Variants in VPS4B observed in about 807,000 individuals in gnomAD.
VPS4B encodes the protein vacuolar protein sorting-associated protein 4B.
In VPS4B, 23 loss-of-function variants were observed where a neutral mutation model predicts 56.1. That is an observed-to-expected ratio of 0.41 (90% confidence interval 0.30 to 0.58). The LOEUF (loss-of-function observed/expected upper bound fraction) is 0.58. VPS4B is among the 20% of genes least tolerant of loss of function. The pLI, the probability that VPS4B is intolerant of heterozygous loss-of-function variation, is 0.29. For missense variants in VPS4B, 372 were observed against 531.9 expected (o/e 0.70, Z 2.96); for synonymous variants, 177 against 186.0 (o/e 0.95, Z 0.39).
intron 4 of VPS4B, 146 bp from the exon 5 acceptor site, chr18:63,403,972 G>A: frequency 1.1e-6 from 1 of 925,952 alleles, no homozygotes; most frequent in Non-Finnish European, 1.5e-6. Context: ...GCGTGAGCAG[G>A]AAGCAGGTGT....
chr18:63,396,169 G>A (rs1378821918), intron 9 of VPS4B, among the ~76,000 whole-genome samples: 1 of 150,032 alleles, frequency 6.7e-6, no homozygotes, highest in Non-Finnish European at 1.5e-5. Flanking sequence ...GTACATTTAA[G>A]TTTCTATACT....
chr18:63,409,471 G>A (rs892072930), intron 3 of VPS4B, among the ~76,000 whole-genome samples: 2 of 152,154 alleles, frequency 1.3e-5, no homozygotes, highest in African/African-American at 4.8e-5. Context: ...AACCCAAGCA[G>A]GCCAGATAAC....
intron 10 of VPS4B, among the ~76,000 whole-genome samples, 154 bp from the exon 11 acceptor site, chr18:63,391,230 CT>C (rs11425099): frequency 9.0e-4 from 127 of 141,480 alleles, no homozygotes; most frequent in Non-Finnish European, 9.0e-4. Flanking sequence ...ACTCCCTATT[CT>C]TTTTTTTTTT....
intron 8 of VPS4B, among the ~76,000 whole-genome samples, chr18:63,398,536 C>CT (rs765286883): frequency 1.0e-4 from 15 of 148,958 alleles, no homozygotes; most frequent in East Asian, 3.9e-4. Context: ...ATAGTTTTTA[C>CT]TAAAAAAAAA....
Position 63,397,047 on chromosome 18 carries a change from G to A in VPS4B, c.1079C>T (p.Thr360Ile), listed in dbSNP as rs140180968. Reference protein sequence around the residue: ...MQPVRKVQSATHFKKVRGPSR... With the variant: ...MQPVRKVQSAIHFKKVRGPSR... ...AAAATGACTTACCTTTTTAAAATGA[G>A]TAGCTGACTGTACTTTCCTAACAGG... Residue 360 changes from threonine (T) to isoleucine (I), a missense_variant, in exon 9 of 11, where the codon ACT becomes ATT. This residue lies in a region of VPS4B where 153 missense variants were observed against 190.9 expected (regional missense o/e 0.80). Coordinates refer to ENST00000238497, the MANE Select transcript of VPS4B (RefSeq NM_004869.4). 76 of 1,611,390 alleles carry A rather than the reference G, an allele frequency of 4.7e-5. No homozygotes were observed. In the African/African-American group the frequency reaches 8.8e-4, roughly 19 times the overall value.
At chr18:63,420,161 T>C (rs1916262041) in intron 1 of VPS4B, among the ~76,000 whole-genome samples, 2 of 152,148 alleles carry the variant, frequency 1.3e-5, no homozygotes, top group East Asian at 3.8e-4. Flanking sequence ...TATGATGCAT[T>C]CTGGGGCCGG....
intron 1 of VPS4B, 53 bp downstream of exon 1, chr18:63,422,180 G>C: frequency 7.0e-7 from 1 of 1,429,002 alleles, no homozygotes; most frequent in Non-Finnish European, 9.2e-7. Flanking sequence ...CCCGCTTCTC[G>C]CGCCTCCCCT....
rs758341819 is a variant in VPS4B, at chr18:63,403,789, A to C, written c.402T>G (p.Ser134Arg). 4.3e-6 allele frequency: 7 copies of C among 1,613,008 alleles called. No individual in the cohort carries two copies. Among genetic ancestry groups the C allele is most frequent in the African/African-American group, 1.3e-5 (1 of 75,008 alleles). ...IVIERPNVKW[S>R]DVAGLEGAKE... ...TGGCTCCTTCAAGTCCAGCAACGTC[A>C]CTCCATTTCACATTTGGTCGTTCTA... The change falls in exon 5 of 11, where the codon AGT becomes AGG. Residue 134 changes from serine to arginine, a missense_variant. By Grantham distance (110) the Ser-to-Arg change is moderately radical. Transcript: ENST00000238497.
chr18:63,397,587 A>T (rs1050949648), intron 8 of VPS4B, among the ~76,000 whole-genome samples: 5 of 152,226 alleles, frequency 3.3e-5, no homozygotes, highest in Non-Finnish European at 7.3e-5. Flanking sequence ...ACTAATGATT[A>T]ACAATATAAA....
At chr18:63,393,083 C>A (rs1442814348) in intron 10 of VPS4B, among the ~76,000 whole-genome samples, 1 of 152,026 alleles carries the variant, frequency 6.6e-6, no homozygotes, top group African/African-American at 2.4e-5. Context: ...TTTCACCAAC[C>A]CTATTTTTTA....
intron 1 of VPS4B, among the ~76,000 whole-genome samples, chr18:63,417,078 G>A (rs771134404): frequency 2.6e-5 from 4 of 151,726 alleles, no homozygotes; most frequent in Non-Finnish European, 5.9e-5. Context: ...ACAGGTACTC[G>A]AAATTGTTTA....
intron 1 of VPS4B, among the ~76,000 whole-genome samples, chr18:63,413,608 T>C (rs1218979996): frequency 6.6e-6 from 1 of 151,704 alleles, no homozygotes; most frequent in African/African-American, 2.4e-5. Flanking sequence ...ATTAAAACAT[T>C]CCAACTGGGT....
chr18:63,400,215 T>C lies in VPS4B; in HGVS notation c.642-19A>G. 6.3e-7 allele frequency: 1 copy of C among 1,577,048 alleles called. No homozygotes were observed. Among genetic ancestry groups the C allele is most frequent in the Non-Finnish European group, 8.6e-7 (1 of 1,168,914 alleles). On this transcript the variant is annotated intron_variant, in intron 6 of 10. Coordinates refer to ENST00000238497, the MANE Select transcript of VPS4B (RefSeq NM_004869.4). ...AACCAGTCTAAAAATAAATGAAAAC[T>C]TTTAAGTCTCTAAAAAATAGTAAAA...
chr18:63,404,594 T>C (rs953908240), intron 4 of VPS4B: 1 of 152,244 alleles, frequency 6.6e-6, no homozygotes, highest in Non-Finnish European at 1.5e-5. Flanking sequence ...TCTTTTAATA[T>C]AGCCTACTGA....
chr18:63,393,882 A>G (rs2144410563), intron 9 of VPS4B, among the ~76,000 whole-genome samples: 1 of 152,086 alleles, frequency 6.6e-6, no homozygotes, highest in East Asian at 1.9e-4. Context: ...GATTACAGGC[A>G]TGTGCCACCA....
intron 3 of VPS4B, among the ~76,000 whole-genome samples, chr18:63,408,813 T>C (rs1156912950): frequency 1.3e-5 from 2 of 152,228 alleles, no homozygotes; most frequent in Admixed American, 1.3e-4. Context: ...CGAAGATTGC[T>C]GTTCAGTACA....
Position 63,422,228 on chromosome 18 carries a change from G to C in VPS4B, c.27+5C>G, listed in dbSNP as rs753112556. ...CCTAGGGGGACGGGAGATGAGCAAT[G>C]ATACCTGGAGGTTGGGCGAAGTGGA... On this transcript the variant is annotated splice_donor_5th_base_variant and intron_variant, in intron 1 of 10. Transcript: ENST00000238497. 2.0e-6 allele frequency: 3 copies of C among 1,512,296 alleles called. No homozygotes were observed. The South Asian group carries it at 3.8e-5, about 19-fold the overall frequency. 93.7% of individuals were successfully genotyped at this position (1,512,296 alleles called of 1,614,324 possible).
chr18:63,411,651 GA>G, intron 1 of VPS4B, 73 bp from the exon 2 acceptor site: 1 of 992,422 alleles, frequency 1.0e-6, no homozygotes, highest in Non-Finnish European at 1.3e-6. Flanking sequence ...TAATCATACT[GA>G]AAGTTTTTTT....
chr18:63,398,140 T>C (rs955929858), intron 8 of VPS4B, among the ~76,000 whole-genome samples: 13 of 146,778 alleles, frequency 8.9e-5, no homozygotes, highest in African/African-American at 2.5e-4. Flanking sequence ...AAAAATTAGA[T>C]AGATAGATGT....
Sources: gnomAD v4.1 joint callset for allele counts (sites outside exome capture counted in the v4.1 genomes callset) on GRCh38, gnomAD v4.1.1 for gene constraint, gnomAD v4.1.1 regional missense constraint, MANE v1.5 for transcripts, NCBI Gene and HGNC (gene_info 2026-07-23, HGNC 2026-07-21) for gene names.